The following CACNA1C variants were observed in gnomAD, a reference collection of about 807,000 sequenced individuals.
CACNA1C encodes calcium voltage-gated channel subunit alpha1 C, also known as voltage-dependent L-type calcium channel subunit alpha-1C.
CACNA1C carries 30 observed loss-of-function variants against 229.0 expected under a neutral mutation model. That is an observed-to-expected ratio of 0.13 (90% CI 0.10 to 0.18). CACNA1C has a LOEUF of 0.18. Ranked by LOEUF, CACNA1C falls within the 10% of genes least tolerant of loss-of-function variation. The pLI, the probability that CACNA1C is intolerant of heterozygous loss-of-function variation, is 1.00. For synonymous variants in CACNA1C, 1,114 were observed against 1,132.5 expected (o/e 0.98, Z 0.33); for missense variants, 1,658 against 2,845.0 (o/e 0.58, Z 9.49).
intron 1 of CACNA1C, among the ~76,000 whole-genome samples, chr12:2,088,401 G>C (rs532065898): frequency 2.2e-3 from 329 of 152,294 alleles, no homozygotes; most frequent in Non-Finnish European, 3.9e-3. Flanking sequence ...ACGGTGGTTA[G>C]AGCACGTACT....
intron 6 of CACNA1C, among the ~76,000 whole-genome samples, chr12:2,492,546 AG>A (rs537782873): frequency 3.5e-4 from 54 of 152,388 alleles, no homozygotes; most frequent in African/African-American, 1.3e-3. Flanking sequence ...AAACGGCTGC[AG>A]GTGATCCCTC....
chr12:2,004,466 T>G, intron 1 of CACNA1C: 2 of 1,582,150 alleles, frequency 1.3e-6, no homozygotes, highest in South Asian at 2.4e-5. Flanking sequence ...ACGGGGCTCT[T>G]GGAAGCCACT....
rs551723512 is a variant in CACNA1C at position 2,114,701 on chromosome 12, C to T, written c.50-523C>T. ...GGTGCAGAGAGTTGAGTGAATCATACTCCAGTTCATTGTACGTTTTCCATC... is the reference window on the plus strand; with the variant it reads ...GGTGCAGAGAGTTGAGTGAATCATATTCCAGTTCATTGTACGTTTTCCATC... On this transcript the variant is annotated intron_variant, in intron 1 of 46. Transcript: ENST00000399655. 2.6e-5 allele frequency among the ~76,000 whole-genome samples: 4 copies of T among 152,254 alleles called. No individual in the cohort carries two copies. In the South Asian group the frequency reaches 8.3e-4, roughly 32 times the overall value.
At position 2,665,554 on chromosome 12, in the gene CACNA1C, A is replaced by C; in HGVS notation, c.4399-27A>C. 1 of 1,611,556 alleles carries C rather than the reference A, an allele frequency of 6.2e-7. No individual in the cohort carries two copies. Among genetic ancestry groups the C allele is most frequent in the Non-Finnish European group, 8.5e-7 (1 of 1,178,408 alleles). The stretch of plus-strand genomic sequence containing the variant: ...CAGGTGTGTAGGAAGGTCTTCTCAC[A>C]GCACCTCATTGTACTGTTCCCCACA... On this transcript the variant is annotated intron_variant, in intron 35 of 46. Coordinates refer to ENST00000399655, the MANE Select transcript of CACNA1C (RefSeq NM_000719.7). This position sits in a 1 kb window ranked among gnomAD's most constrained non-coding sequence, Gnocchi z 5.9.
intron 3 of CACNA1C, among the ~76,000 whole-genome samples, chr12:2,233,197 C>T (rs941163612): frequency 2.6e-5 from 4 of 152,178 alleles, no homozygotes; most frequent in African/African-American, 9.7e-5. Context: ...ATATCAGGAC[C>T]AGTTCGTGAC....
chr12:2,256,576 C>G (rs1600990528), intron 3 of CACNA1C, among the ~76,000 whole-genome samples: 1 of 152,094 alleles, frequency 6.6e-6, no homozygotes, highest in Admixed American at 6.6e-5. Flanking sequence ...TAAAACACAC[C>G]AGTTAACCAG....
chr12:2,683,182 T>G (rs1231506566), intron 43 of CACNA1C, among the ~76,000 whole-genome samples: 1 of 152,160 alleles, frequency 6.6e-6, no homozygotes, highest in South Asian at 2.1e-4. Context: ...TCTAGATCCT[T>G]TAGAAGGTGG....
intron 1 of CACNA1C, among the ~76,000 whole-genome samples, chr12:2,015,778 G>T (rs1272109443): frequency 6.6e-6 from 1 of 152,170 alleles, no homozygotes; most frequent in East Asian, 1.9e-4. Context: ...CACTTCCTGG[G>T]TTCAGATCTC....
In CACNA1C at chr12:2,608,860, CTT is replaced by C. The variant is rs898085981; in HGVS notation, c.3558+152_3558+153del. On this transcript the variant is annotated intron_variant, in intron 27 of 46. Coordinates refer to ENST00000399655, the MANE Select transcript of CACNA1C (RefSeq NM_000719.7). This position sits in a 1 kb window ranked among gnomAD's most constrained non-coding sequence, Gnocchi z 4.2. ...TCCTCAACCAGAGTGGGCTGTCAGT[CTT>C]TTTGAGGGACCTGTGCAAAAGAAAT... 6 of 750,970 alleles carry C rather than the reference CTT, an allele frequency of 8.0e-6. No homozygotes were observed. In the Admixed American group the frequency reaches 1.6e-4, roughly 21 times the overall value. The allele number at this position is 750,970 out of a possible 1,614,324, so 46.5% of individuals were successfully genotyped here.
chr12:2,185,095 G>A (rs999271032), intron 3 of CACNA1C, among the ~76,000 whole-genome samples: 1 of 152,186 alleles, frequency 6.6e-6, no homozygotes, highest in Admixed American at 6.5e-5. Context: ...TGGCCAAGCA[G>A]CAGGAGTTCA....
At chr12:2,106,495 G>C (rs2078692046) in intron 1 of CACNA1C, among the ~76,000 whole-genome samples, 1 of 109,078 alleles carries the variant, frequency 9.2e-6, no homozygotes, top group Non-Finnish European at 2.0e-5. Context: ...CCCCGGGGAG[G>C]GTTTCCACCT....
At chr12:2,148,566 G>A (rs1039953810) in intron 3 of CACNA1C, among the ~76,000 whole-genome samples, 5 of 150,946 alleles carry the variant, frequency 3.3e-5, no homozygotes, top group Non-Finnish European at 4.4e-5. Context: ...TGGTTTTCTT[G>A]GGACAGGGTC....
intron 6 of CACNA1C, among the ~76,000 whole-genome samples, chr12:2,487,624 T>C (rs2099702667): frequency 6.6e-6 from 1 of 151,738 alleles, no homozygotes; most frequent in Admixed American, 6.6e-5. Flanking sequence ...AGGAGACTGT[T>C]TTTTCACTCT....
At chr12:2,555,277 G>A (rs1027769904) in intron 10 of CACNA1C, among the ~76,000 whole-genome samples, 4 of 152,242 alleles carry the variant, frequency 2.6e-5, no homozygotes, top group Non-Finnish European at 4.4e-5. Flanking sequence ...TGCACTGTGA[G>A]CAAGACAACG....
Position 2,608,416 on chromosome 12 carries a change from C to T in CACNA1C, c.3357-95C>T, listed in dbSNP as rs894413502. 1.1e-6 allele frequency: 1 copy of T among 944,234 alleles called. No homozygotes were observed. The highest frequency in any genetic ancestry group is 2.4e-5 in the Admixed American group (1 of 42,054). 58.5% of individuals were successfully genotyped at this position (944,234 alleles called of 1,614,324 possible). ...CCAGCCCAGAGCTGTCTCCTGCACC[C>T]TGATCCCTGGGATCCCTGGAGCAGT... is the stretch of plus-strand genomic sequence containing the variant. On this transcript the variant is annotated intron_variant, in intron 26 of 46. Transcript: ENST00000399655. The surrounding 1 kb of genome is among the most constrained non-coding windows in gnomAD (Gnocchi z 4.2).
At position 2,182,134 on chromosome 12, in the gene CACNA1C, A is replaced by C. The variant is rs1270474294; in HGVS notation, c.477+61704A>C. On this transcript the variant is annotated intron_variant, in intron 3 of 46. Transcript: ENST00000399655. Reference sequence around the variant, plus strand: ...ATTGTGTGTGAGTTTCTGTCTGCAAAAAAAAAAAAAAAAAAAAAAAATGAC... The same window carrying C: ...ATTGTGTGTGAGTTTCTGTCTGCAACAAAAAAAAAAAAAAAAAAAAATGAC... Among the ~76,000 whole-genome samples the C allele has an allele frequency of 7.7e-5, 4 of 51,670 alleles. No homozygotes were observed. The East Asian group carries it at 1.8e-3, about 23-fold the overall frequency. The allele number at this position is 51,670 out of a possible 152,430, so 33.9% of individuals were successfully genotyped here. A position where few individuals can be genotyped will look rare whatever the true frequency, so the allele number is the denominator to read the frequency against.
At chr12:2,432,750 C>A (rs1055956863) in intron 3 of CACNA1C, among the ~76,000 whole-genome samples, 1 of 152,210 alleles carries the variant, frequency 6.6e-6, no homozygotes, top group Non-Finnish European at 1.5e-5. Context: ...TGGCCTTGAG[C>A]AGGTCCTTCC....
intron 42 of CACNA1C, among the ~76,000 whole-genome samples, 172 bp from the exon 43 acceptor site, chr12:2,682,378 C>T (rs2097191310): frequency 6.6e-6 from 1 of 152,188 alleles, no homozygotes; most frequent in African/African-American, 2.4e-5. Flanking sequence ...GATCCATCAG[C>T]AATCACAGGA....
At chr12:1,974,988 A>G (rs2033855883) in intron 1 of CACNA1C, among the ~76,000 whole-genome samples, 1 of 152,174 alleles carries the variant, frequency 6.6e-6, no homozygotes, top group Admixed American at 6.5e-5. Flanking sequence ...TTGAGTGTTT[A>G]ACAATGATAG....
Sources: allele counts gnomAD v4.1 joint callset (sites outside exome capture counted in the v4.1 genomes callset), GRCh38; gene constraint gnomAD v4.1.1; non-coding constraint Gnocchi (gnomAD v3.1); transcripts MANE v1.5; gene names NCBI Gene and HGNC (gene_info 2026-07-23, HGNC 2026-07-21).